Variants in JAK1 observed in about 807,000 individuals in gnomAD.
JAK1 encodes Janus kinase 1.
In JAK1, 16 loss-of-function variants were observed where a neutral mutation model predicts 136.6. The ratio of observed to expected loss-of-function variants is 0.12; its 90% CI spans 0.08 to 0.18. JAK1 has a LOEUF of 0.18. Among genes scored for constraint, JAK1 ranks in the 10% least tolerant of loss-of-function variants. JAK1 has a pLI of 1.00. For missense variants in JAK1, 859 were observed against 1,450.1 expected (o/e 0.59, Z 6.62); for synonymous variants, 492 against 519.5 (o/e 0.95, Z 0.72).
At chr1:64,982,666 G>C (rs78912912) in intron 2 of JAK1, among the ~76,000 whole-genome samples, 6,818 of 152,246 alleles carry the variant, frequency 0.045, 359 homozygotes, top group East Asian at 0.27. Flanking sequence ...TGAGAGCTGA[G>C]TTTTAGCTCT....
intron 2 of JAK1, among the ~76,000 whole-genome samples, chr1:64,884,288 G>A (rs1570703795): frequency 6.6e-6 from 1 of 152,126 alleles, no homozygotes; most frequent in African/African-American, 2.4e-5. Flanking sequence ...GGCCAGAAAG[G>A]AGGAAAGAAA....
At chr1:64,846,382 C>T (rs1331436447) in intron 14 of JAK1, among the ~76,000 whole-genome samples, 2 of 151,680 alleles carry the variant, frequency 1.3e-5, no homozygotes, top group African/African-American at 4.9e-5. Flanking sequence ...TTTCACTCAC[C>T]TCAGCCTCCC....
At chr1:65,011,312 C>T (rs927776150) in intron 2 of JAK1, among the ~76,000 whole-genome samples, 1 of 151,710 alleles carries the variant, frequency 6.6e-6, no homozygotes, top group Non-Finnish European at 1.5e-5. Flanking sequence ...TTCATCTCTA[C>T]AAAAAATGGA....
intron 17 of JAK1, among the ~76,000 whole-genome samples, chr1:64,842,888 A>C (rs949939702): frequency 6.6e-6 from 1 of 152,156 alleles, no homozygotes; most frequent in Non-Finnish European, 1.5e-5. Context: ...CAAGTCATAA[A>C]GGTTCTACCT....
In JAK1 at chr1:64,913,655, A is replaced by AAGGAAG. The variant is rs1553168149; in HGVS notation, c.-77-27315_-77-27314insCTTCCT. Reference sequence around the variant, plus strand: ...AGGGAGGAAGGGAGGAAGGAAGGAAAGAAGGAAGGAAGGAAGGAAGGAAGG... The same window carrying AAGGAAG: ...AGGGAGGAAGGGAGGAAGGAAGGAAAAGGAAGGAAGGAAGGAAGGAAGGAAGGAAGG... On this transcript the variant is annotated intron_variant, in intron 1 of 24. Coordinates refer to ENST00000342505, the MANE Select transcript of JAK1 (RefSeq NM_002227.4). 2.3e-3 allele frequency among the ~76,000 whole-genome samples: 80 copies of AAGGAAG among 34,484 alleles called. 1 individual carries two copies. The highest frequency in any genetic ancestry group is 5.0e-3 in the African/African-American group (37 of 7,338). The allele number at this position is 34,484 out of a possible 152,430, so 22.6% of individuals were successfully genotyped here. A position where few individuals can be genotyped will look rare whatever the true frequency, so the allele number is the denominator to read the frequency against.
chr1:64,977,433 T>C (rs1443899902), intron 2 of JAK1, among the ~76,000 whole-genome samples: 2 of 150,442 alleles, frequency 1.3e-5, no homozygotes, highest in Non-Finnish European at 3.0e-5. Context: ...ATTACAGGCA[T>C]GAGCCACTGC....
chr1:64,934,347 C>A (rs1645750183), intron 1 of JAK1, among the ~76,000 whole-genome samples: 1 of 152,154 alleles, frequency 6.6e-6, no homozygotes, highest in Admixed American at 6.5e-5. Context: ...TGTCACAGCT[C>A]TGAGAAGGGG....
At position 64,860,094 on chromosome 1, in the gene JAK1, C is replaced by T. The variant is rs2101071600; in HGVS notation, c.1334+11G>A. 4 of 1,558,384 alleles carry T rather than the reference C, an allele frequency of 2.6e-6. No individual in the cohort carries two copies. The South Asian group carries it at 4.8e-5, about 19-fold the overall frequency. On this transcript the variant is annotated intron_variant, in intron 9 of 24. Coordinates refer to ENST00000342505, the MANE Select transcript of JAK1 (RefSeq NM_002227.4). The stretch of plus-strand genomic sequence containing the variant: ...CACACCAAAGGCAACTGATAAGGTT[C>T]TAGGACCAACCAGATTGGACCATGA...
chr1:65,066,743 T>TCCCTCCTCCTCCTCCTCCGGCACCGCC (rs1648063578), intron 1 of JAK1: 1 of 152,302 alleles, frequency 6.6e-6, no homozygotes, highest in African/African-American at 2.4e-5. Flanking sequence ...CTCTTCTCCC[T>TCCCTCCTCCTCCTCCTCCGGCACCGCC]CCCTCCTCCT....
chr1:64,844,621 T>G lies in JAK1; in HGVS notation c.2251+133A>C. The G allele has an allele frequency of 1.9e-6, 2 of 1,055,532 alleles. No homozygotes were observed. Among genetic ancestry groups the G allele is most frequent in the Non-Finnish European group, 2.7e-6 (2 of 727,830 alleles). 65.4% of individuals were successfully genotyped at this position (1,055,532 alleles called of 1,614,324 possible). A position where few individuals can be genotyped will look rare whatever the true frequency, so the allele number is the denominator to read the frequency against. On this transcript the variant is annotated intron_variant, in intron 16 of 24. Transcript: ENST00000342505. This position sits in a 1 kb window ranked among gnomAD's most constrained non-coding sequence, Gnocchi z 5.7. ...ATCAAGACCATCCTGGCCAACATGG[T>G]GAAACCCCGTCTCTACTAAAATACA...
At chr1:64,932,074 T>A (rs1208494305) in intron 1 of JAK1, among the ~76,000 whole-genome samples, 1 of 151,872 alleles carries the variant, frequency 6.6e-6, no homozygotes, top group East Asian at 1.9e-4. Flanking sequence ...ACATCTCATT[T>A]AACGCTCATA....
intron 1 of JAK1, among the ~76,000 whole-genome samples, chr1:64,910,837 C>T (rs2780812): frequency 8.4e-6 from 1 of 119,542 alleles, no homozygotes; most frequent in Non-Finnish European, 1.6e-5. Context: ...AAGCAAGACT[C>T]TGTCTCAAAA....
At position 64,879,218 on chromosome 1, in the gene JAK1, A is replaced by G. The variant is rs80136889; in HGVS notation, c.206-70T>C. The G allele has an allele frequency of 2.4e-4, 371 of 1,562,186 alleles. 1 individual carries two copies. In the African/African-American group the frequency reaches 4.4e-3, roughly 18 times the overall value. ...ATTTGGCCATCTGTTTCTAAACCCA[A>G]TATATGCAAAGATAAGGAACTCTCT... On this transcript the variant is annotated intron_variant, in intron 3 of 24. Coordinates refer to ENST00000342505, the MANE Select transcript of JAK1 (RefSeq NM_002227.4).
intron 1 of JAK1, among the ~76,000 whole-genome samples, chr1:64,942,904 C>G (rs544256234): frequency 1.3e-5 from 2 of 152,064 alleles, no homozygotes; most frequent in Admixed American, 1.3e-4. Flanking sequence ...AAGAAAAAGG[C>G]CAAATGAATT....
chr1:64,843,441 T>C (rs889212311), intron 17 of JAK1, among the ~76,000 whole-genome samples: 3 of 152,196 alleles, frequency 2.0e-5, no homozygotes, highest in Non-Finnish European at 4.4e-5. Flanking sequence ...CTCGCCTGTT[T>C]TGCATTCTAG....
rs866255157 is a variant in JAK1 at position 64,985,750 on chromosome 1, A to G, written c.-78+58730T>C. 18 of 663,872 alleles carry G rather than the reference A, an allele frequency of 2.7e-5. 1 individual carries two copies. In the Middle Eastern group the frequency reaches 6.4e-3, roughly 235 times the overall value. 41.1% of individuals were successfully genotyped at this position (663,872 alleles called of 1,614,324 possible). ...TAGGCCAGGATCAGTATTTCAACCA[A>G]CTCAGCTACTTTACACAGTCCCATA... On this transcript the variant is annotated intron_variant, in intron 2 of 25. Transcript: ENST00000671954.
At chr1:64,863,100 G>A (rs538835002) in intron 8 of JAK1, among the ~76,000 whole-genome samples, 2 of 150,812 alleles carry the variant, frequency 1.3e-5, no homozygotes, top group East Asian at 2.0e-4. Flanking sequence ...TAATACCCAC[G>A]ATGCAGCATA....
rs553477306 is a variant in JAK1, at chr1:64,934,712, G to A, written c.-78+31621C>T. On this transcript the variant is annotated intron_variant, in intron 1 of 24. Coordinates refer to ENST00000342505, the MANE Select transcript of JAK1 (RefSeq NM_002227.4). Reference sequence around the variant, plus strand: ...CCTCATCTTTCCGGTGAAGTCCTGTGGACTCCAAACGTAGTCACTCTCTTC... The same window carrying A: ...CCTCATCTTTCCGGTGAAGTCCTGTAGACTCCAAACGTAGTCACTCTCTTC... Among the ~76,000 whole-genome samples, 7 of 152,280 alleles carry A rather than the reference G, an allele frequency of 4.6e-5. No individual in the cohort carries two copies. In the East Asian group the frequency reaches 1.3e-3, roughly 29 times the overall value.
chr1:64,922,420 G>T (rs964860521), intron 1 of JAK1, among the ~76,000 whole-genome samples: 9 of 152,052 alleles, frequency 5.9e-5, no homozygotes, highest in African/African-American at 2.2e-4. Flanking sequence ...CACAACGTGG[G>T]AATTTCCAAA....
Sources: gnomAD v4.1 joint callset for allele counts (sites outside exome capture counted in the v4.1 genomes callset) on GRCh38, gnomAD v4.1.1 for gene constraint, Gnocchi (gnomAD v3.1) non-coding constraint, MANE v1.5 for transcripts, NCBI Gene and HGNC (gene_info 2026-07-23, HGNC 2026-07-21) for gene names.